The following CALD1 variants were observed in gnomAD, a reference collection of about 807,000 sequenced individuals.
CALD1 encodes the protein caldesmon.
Under a neutral mutation model 99.9 loss-of-function variants are expected in CALD1, and 33 were observed. The observed-to-expected ratio is 0.33, with a 90% confidence interval of 0.25 to 0.44. The LOEUF (loss-of-function observed/expected upper bound fraction) is 0.44. Among genes scored for constraint, CALD1 ranks in the 20% least tolerant of loss-of-function variants. The pLI is 1.00. For missense variants in CALD1, 861 were observed against 962.1 expected (o/e 0.89, Z 1.39); for synonymous variants, 310 against 325.0 (o/e 0.95, Z 0.50).
chr7:134,746,765 T>C (rs539060643), intron 1 of CALD1, among the ~76,000 whole-genome samples: 7 of 152,208 alleles, frequency 4.6e-5, no homozygotes, highest in Non-Finnish European at 1.0e-4. Flanking sequence ...AAATGAGGAA[T>C]ATGTTATTGA....
chr7:134,723,475 C>T, the CALD1 span, among the ~76,000 whole-genome samples: 3 of 151,920 alleles, frequency 2.0e-5, no homozygotes, highest in Non-Finnish European at 4.4e-5. Flanking sequence ...CTCAATACCC[C>T]CAATATTCCC....
rs1371911414 is a variant in CALD1 at position 134,788,967 on chromosome 7, A to T, written c.-130+9218A>T. ...GAGGTCGAAGCTGCAGTGAGCTGAGATTGTACCACTGCACTCCACCCTGGG... is the reference window on the plus strand; with the variant it reads ...GAGGTCGAAGCTGCAGTGAGCTGAGTTTGTACCACTGCACTCCACCCTGGG... On this transcript the variant is annotated intron_variant, in intron 1 of 14. Coordinates refer to ENST00000361675, the MANE Select transcript of CALD1 (RefSeq NM_033138.4). 2.1e-5 allele frequency among the ~76,000 whole-genome samples: 3 copies of T among 146,224 alleles called. No homozygotes were observed. The Admixed American group carries it at 2.1e-4, about 10-fold the overall frequency.
At chr7:134,892,904 C>T (rs1210358404) in intron 3 of CALD1, among the ~76,000 whole-genome samples, 1 of 151,720 alleles carries the variant, frequency 6.6e-6, no homozygotes, top group Non-Finnish European at 1.5e-5. Context: ...CCCTCTTCAT[C>T]AAAACTTCCT....
chr7:134,960,374 G>T, intron 12 of CALD1, 159 bp from the exon 13 acceptor site: 1 of 652,328 alleles, frequency 1.5e-6, no homozygotes. Context: ...TGAGTTACCA[G>T]GGAAAGAAAA....
chr7:134,864,981 C>T (rs747783019), intron 2 of CALD1, among the ~76,000 whole-genome samples: 12 of 152,166 alleles, frequency 7.9e-5, no homozygotes, highest in Non-Finnish European at 1.5e-4. Context: ...CAATACTTAG[C>T]TCTTTCACAC....
chr7:134,934,370 C>A (rs1423025512), intron 5 of CALD1, among the ~76,000 whole-genome samples: 2 of 152,108 alleles, frequency 1.3e-5, no homozygotes, highest in Admixed American at 6.6e-5. Flanking sequence ...AAGAATTAAT[C>A]CAAAGATGAT....
At chr7:134,846,540 G>A (rs753487266) in intron 2 of CALD1, among the ~76,000 whole-genome samples, 5 of 152,110 alleles carry the variant, frequency 3.3e-5, no homozygotes, top group Non-Finnish European at 7.4e-5. Flanking sequence ...AAATAAAAGG[G>A]GTAAAGGTAT....
chr7:134,740,618 C>G (rs11763293), upstream of CALD1, among the ~76,000 whole-genome samples: 68,592 of 151,918 alleles, frequency 0.45, 16,200 homozygotes, highest in East Asian at 0.76. Context: ...GTGCTCCTCA[C>G]ATGGAATCTG....
intron 1 of CALD1, among the ~76,000 whole-genome samples, chr7:134,762,702 A>G (rs1038547772): frequency 6.6e-6 from 1 of 152,094 alleles, no homozygotes; most frequent in Non-Finnish European, 1.5e-5. Flanking sequence ...CACACTTTTA[A>G]ACAAACAGAT....
intron 3 of CALD1, among the ~76,000 whole-genome samples, chr7:134,876,517 A>G (rs914070825): frequency 2.0e-5 from 3 of 152,256 alleles, no homozygotes; most frequent in African/African-American, 7.2e-5. Flanking sequence ...ATTCGGTCAG[A>G]TTACAGTGAA....
intron 12 of CALD1, 164 bp downstream of exon 12, chr7:134,960,275 G>C (rs995253620): frequency 2.4e-6 from 2 of 834,034 alleles, no homozygotes; most frequent in African/African-American, 1.7e-5. Context: ...GAATGTGTTT[G>C]TGAGGTTGCA....
chr7:134,886,354 A>G (rs962584734), intron 3 of CALD1, among the ~76,000 whole-genome samples: 3 of 152,214 alleles, frequency 2.0e-5, no homozygotes, highest in Admixed American at 2.0e-4. Context: ...AAGGAGTAAG[A>G]GTGGGCATAG....
intron 3 of CALD1, among the ~76,000 whole-genome samples, chr7:134,890,644 T>C (rs1272529640): frequency 2.0e-5 from 3 of 152,150 alleles, no homozygotes; most frequent in African/African-American, 7.2e-5. Flanking sequence ...CGGAGTGTCA[T>C]CTCCAGACAG....
At chr7:134,740,604 C>T (rs576513481), upstream of CALD1, among the ~76,000 whole-genome samples, 8 of 152,288 alleles carry the variant, frequency 5.3e-5, no homozygotes, top group East Asian at 1.5e-3. Flanking sequence ...AAGCGTTAGG[C>T]TCTGTGCTCC....
At chr7:134,760,877 G>A (rs1796771020) in intron 1 of CALD1, among the ~76,000 whole-genome samples, 1 of 152,116 alleles carries the variant, frequency 6.6e-6, no homozygotes, top group Non-Finnish European at 1.5e-5. Flanking sequence ...TTTAGGTTTA[G>A]AGGTATATGT....
chr7:134,774,157 G>A (rs1415540609), intron 1 of CALD1, among the ~76,000 whole-genome samples: 1 of 138,942 alleles, frequency 7.2e-6, no homozygotes, highest in Non-Finnish European at 1.6e-5. Context: ...GTGACAGAGT[G>A]AGATTCCATC....
intron 3 of CALD1, among the ~76,000 whole-genome samples, chr7:134,884,524 G>C (rs1427950317): frequency 6.6e-6 from 1 of 151,794 alleles, no homozygotes; most frequent in African/African-American, 2.4e-5. Context: ...ATTGGCACTA[G>C]AGAAGGCATC....
chr7:134,813,471 G>C (rs1180769356), intron 1 of CALD1, among the ~76,000 whole-genome samples: 2 of 152,158 alleles, frequency 1.3e-5, no homozygotes, highest in Non-Finnish European at 2.9e-5. Flanking sequence ...ATGAAACCTA[G>C]AGCTAAGTAG....
At chr7:134,768,944 A>G (rs1016240562) in intron 1 of CALD1, among the ~76,000 whole-genome samples, 2 of 152,078 alleles carry the variant, frequency 1.3e-5, no homozygotes, top group African/African-American at 4.8e-5. Flanking sequence ...AATAATTCCA[A>G]TTGCAACCTG....
Sources: gnomAD v4.1 joint callset for allele counts (sites outside exome capture counted in the v4.1 genomes callset) on GRCh38, gnomAD v4.1.1 for gene constraint, MANE v1.5 for transcripts, NCBI Gene and HGNC (gene_info 2026-07-23, HGNC 2026-07-21) for gene names.